The following GZF1 variants were observed in gnomAD, a reference collection of about 807,000 sequenced individuals.
GZF1 encodes GDNF-inducible zinc finger protein 1.
In GZF1, 28 loss-of-function variants were observed where a neutral mutation model predicts 49.4. The ratio of observed to expected loss-of-function variants is 0.57; its 90% CI spans 0.42 to 0.78. The LOEUF is 0.78. Among genes scored for constraint, GZF1 ranks in the 30% least tolerant of loss-of-function variants. The probability of loss-of-function intolerance (pLI) is 0.00; values close to 1 mark genes in which losing one functional copy is unlikely to be tolerated. For missense variants in GZF1, 798 were observed against 916.2 expected (o/e 0.87, Z 1.67); for synonymous variants, 364 against 356.0 (o/e 1.02, Z -0.25).
Position 23,365,724 on chromosome 20 carries a change from G to A in GZF1, c.1341G>A (p.Pro447=). 1 of 1,548,554 alleles carries A rather than the reference G, an allele frequency of 6.5e-7. No homozygotes were observed. Among genetic ancestry groups the A allele is most frequent in the Non-Finnish European group, 8.7e-7 (1 of 1,152,514 alleles). Residue 447 remains proline (P), a synonymous_variant, in exon 2 of 6, where the codon CCG becomes CCA. Coordinates refer to ENST00000338121, the MANE Select transcript of GZF1 (RefSeq NM_022482.5). ...CTECGARFSQ[P]SALKTHMRIH... ...AGTGCGGCGCCAGGTTCTCGCAGCC[G>A]TCCGCGCTCAAGACGCACATGAGGT...
chr20:23,361,550 A>T (rs1476153936), upstream of GZF1, among the ~76,000 whole-genome samples: 2 of 152,022 alleles, frequency 1.3e-5, no homozygotes, highest in East Asian at 3.9e-4. Context: ...CGAGCCCCCC[A>T]GCAGGGCGGG....
Position 23,370,425 on chromosome 20 carries a change from T to G in GZF1, c.2120T>G (p.Leu707Trp), listed in dbSNP as rs1981969837. Reference protein sequence around the residue: ...TDSMPTQLHSLSNME With the variant: ...TDSMPTQLHSWSNME ...TCGATGCCCACACAGCTTCACTCTT[T>G]GAGCAACATGGAATAAGAGCTTCAA... Residue 707 changes from leucine to tryptophan, a missense_variant, in exon 6 of 6, where the codon TTG becomes TGG. Physicochemically the swap from Leu to Trp is moderately conservative, Grantham distance 61. Coordinates refer to ENST00000338121, the MANE Select transcript of GZF1 (RefSeq NM_022482.5). The G allele has an allele frequency of 1.2e-6, 2 of 1,609,666 alleles. No homozygotes were observed. Among genetic ancestry groups the G allele is most frequent in the Non-Finnish European group, 1.7e-6 (2 of 1,176,090 alleles).
At position 23,365,232 on chromosome 20, in the gene GZF1, G is replaced by T. The variant is rs1981172158; in HGVS notation, c.849G>T (p.Gln283His). Residue 283 changes from glutamine (Q) to histidine (H), a missense_variant, in exon 2 of 6, where the codon CAG (glutamine) becomes CAT (histidine). By Grantham distance (24) the Gln-to-His change is conservative. Coordinates refer to ENST00000338121, the MANE Select transcript of GZF1 (RefSeq NM_022482.5). ...MEQVSKNEGC[Q>H]AGAELEELSK... ...AGGTTTCCAAAAATGAGGGTTGCCA[G>T]GCAGGTGCTGAGTTGGAGGAATTGT... The T allele has an allele frequency of 1.2e-6, 2 of 1,603,614 alleles. No homozygotes were observed. Among genetic ancestry groups the T allele is most frequent in the East Asian group, 4.5e-5 (2 of 44,740 alleles).
Position 23,365,092 on chromosome 20 carries a change from A to G in GZF1, c.709A>G (p.Lys237Glu). Residue 237 changes from lysine (K) to glutamate (E), a missense_variant, in exon 2 of 6, where the codon AAA (lysine) becomes GAA (glutamate). Physicochemically the swap from Lys to Glu is moderately conservative, Grantham distance 56 (BLOSUM62 1). Around this residue, in one of 3 missense-constraint regions of GZF1, gnomAD observed 247 missense variants for 228.5 expected, o/e 1.08. Transcript: ENST00000338121. ...GAGGAAGGTCTTTGTGGAGATCCCTAAAAAGAAATATACGAGAAGACTCCG... is the reference window on the plus strand; with the variant it reads ...GAGGAAGGTCTTTGTGGAGATCCCTGAAAAGAAATATACGAGAAGACTCCG... ...AGRKVFVEIP[K>E]KKYTRRLREQ... The G allele has an allele frequency of 1.9e-6, 3 of 1,614,024 alleles. No homozygotes were observed. Among genetic ancestry groups the G allele is most frequent in the Admixed American group, 1.7e-5 (1 of 60,026 alleles).
intron 3 of GZF1, 34 bp downstream of exon 3, chr20:23,367,131 T>C (rs1385291104): frequency 2.1e-6 from 3 of 1,407,170 alleles, no homozygotes; most frequent in Admixed American, 3.4e-5. Context: ...TGAATGTCTT[T>C]CCTAGATCTA....
chr20:23,365,316 G>A lies in GZF1; in HGVS notation c.933G>A (p.Glu311=), dbSNP rs1568585015. 1.2e-6 allele frequency: 2 copies of A among 1,606,744 alleles called. No homozygotes were observed. The highest frequency in any genetic ancestry group is 1.7e-5 in the Admixed American group (1 of 59,444). The part of the protein sequence containing the change: ...EEEEEEDEEG[E]KKKSNFKCSI... ...AGGAGGAGGAGGACGAAGAAGGGGA[G>A]AAGAAGAAGAGCAACTTTAAGTGCA... The change falls in exon 2 of 6, where the codon GAG becomes GAA. Residue 311 remains glutamate, a synonymous_variant. Transcript: ENST00000338121.
upstream of GZF1, among the ~76,000 whole-genome samples, chr20:23,361,345 T>C (rs1336247406): frequency 6.6e-6 from 1 of 152,200 alleles, no homozygotes; most frequent in Admixed American, 6.5e-5. Context: ...TTAGTTAGTA[T>C]TGAGCAAGAA....
Position 23,364,906 on chromosome 20 carries a change from A to C in GZF1, c.523A>C (p.Ser175Arg). The change falls in exon 2 of 6, where the codon AGT (serine) becomes CGT (arginine). Residue 175 changes from serine (S) to arginine (R), a missense_variant. Coordinates refer to ENST00000338121, the MANE Select transcript of GZF1 (RefSeq NM_022482.5). The stretch of plus-strand genomic sequence containing the variant: ...TGTGGCCACCGATGGCCCTCACCCC[A>C]GTGGTCTCACGGATTCCTTGGACTA... ...ASVATDGPHP[S>R]GLTDSLDYPG... 4 of 1,614,234 alleles carry C rather than the reference A, an allele frequency of 2.5e-6. No homozygotes were observed. Among genetic ancestry groups the C allele is most frequent in the Non-Finnish European group, 3.4e-6 (4 of 1,180,040 alleles).
Position 23,368,878 on chromosome 20 carries a change from A to C in GZF1, c.1576A>C (p.Arg526=). The C allele has an allele frequency of 6.2e-7, 1 of 1,614,060 alleles. No individual in the cohort carries two copies. Among genetic ancestry groups the C allele is most frequent in the Non-Finnish European group, 8.5e-7 (1 of 1,179,940 alleles). Residue 526 remains arginine (R), a synonymous_variant, in exon 4 of 6, where the codon AGG becomes CGG. Transcript: ENST00000338121. ...ACCCTTTAAATGTGAAGTATGTTTC[A>C]GGACTTTTGCCCAGCGGAATTCACT... ...SKPFKCEVCF[R]TFAQRNSLYQ...
At chr20:23,363,505 G>T (rs1980937217) in intron 1 of GZF1, among the ~76,000 whole-genome samples, 2 of 152,222 alleles carry the variant, frequency 1.3e-5, no homozygotes, top group Non-Finnish European at 2.9e-5. Flanking sequence ...CTGAGGGGAA[G>T]AGTGTGTTGA....
At chr20:23,365,769 G>C in intron 2 of GZF1, 22 bp downstream of exon 2, 1 of 1,499,070 alleles carries the variant, frequency 6.7e-7, no homozygotes, top group South Asian at 1.3e-5. Flanking sequence ...GCCGTCCGGA[G>C]GGGTCCCTGC....
rs1377055516 is a variant in GZF1, at chr20:23,369,565, T to C, written c.1628-19T>C. 1 of 1,592,560 alleles carries C rather than the reference T, an allele frequency of 6.3e-7. No homozygotes were observed. On this transcript the variant is annotated intron_variant, in intron 4 of 5. Coordinates refer to ENST00000338121, the MANE Select transcript of GZF1 (RefSeq NM_022482.5). Reference sequence around the variant, plus strand: ...AGGCCAAAGGGACCCACCAGCAGTCTCCTCTCTCCCTGCCTCAGGGGAGCG... The same window carrying C: ...AGGCCAAAGGGACCCACCAGCAGTCCCCTCTCTCCCTGCCTCAGGGGAGCG...
At position 23,365,174 on chromosome 20, in the gene GZF1, A is replaced by G. The variant is rs764079745; in HGVS notation, c.791A>G (p.Gln264Arg). ...DVGDYRCPQD[Q>R]SPDRVGTEME... ...GGGGACTACAGGTGTCCCCAGGACC[A>G]AAGCCCGGACAGGGTGGGCACGGAG... Residue 264 changes from glutamine to arginine, a missense_variant, in exon 2 of 6, where the codon CAA becomes CGA. Coordinates refer to ENST00000338121, the MANE Select transcript of GZF1 (RefSeq NM_022482.5). 1 of 1,612,212 alleles carries G rather than the reference A, an allele frequency of 6.2e-7. No homozygotes were observed. The highest frequency in any genetic ancestry group is 8.5e-7 in the Non-Finnish European group (1 of 1,179,180).
intron 4 of GZF1, 86 bp from the exon 5 acceptor site, chr20:23,369,498 C>T (rs1292201154): frequency 4.8e-6 from 6 of 1,255,302 alleles, no homozygotes; most frequent in Non-Finnish European, 5.5e-6. Flanking sequence ...TGGTTTGCAA[C>T]AGCATCATTC....
At position 23,365,548 on chromosome 20, in the gene GZF1, A is replaced by G. The variant is rs979771220; in HGVS notation, c.1165A>G (p.Lys389Glu). The change falls in exon 2 of 6, where the codon AAG becomes GAG. Residue 389 changes from lysine to glutamate, a missense_variant. By Grantham distance (56) the Lys-to-Glu change is moderately conservative (BLOSUM62 1). Transcript: ENST00000338121. ...CELCGKKFKRKKDVKRHVLQV... is the reference protein window; with the variant it reads ...CELCGKKFKREKDVKRHVLQV... ...GCTGTGCGGGAAGAAGTTCAAGCGC[A>G]AGAAGGACGTGAAGCGGCACGTGCT... 8 of 1,612,998 alleles carry G rather than the reference A, an allele frequency of 5.0e-6. No individual in the cohort carries two copies. In the African/African-American group the frequency reaches 9.3e-5, roughly 19 times the overall value.
At chr20:23,369,026 T>C in intron 4 of GZF1, 97 bp downstream of exon 4, 1 of 1,119,356 alleles carries the variant, frequency 8.9e-7, no homozygotes, top group Non-Finnish European at 1.3e-6. Context: ...GAACTAAGCT[T>C]TTGAAGAAAA....
In GZF1 at chr20:23,365,661, G is replaced by A. The variant is rs1981258334; in HGVS notation, c.1278G>A (p.Glu426=). 6.2e-7 allele frequency: 1 copy of A among 1,600,216 alleles called. No homozygotes were observed. ...CCAAGACAGCGCTGCGGCTGCACGA[G>A]CGCACACACACGGGAGACCGGCCCT... ...LSSKTALRLH[E]RTHTGDRPYG... The change falls in exon 2 of 6, where the codon GAG becomes GAA. Residue 426 remains glutamate (E), a synonymous_variant. Transcript: ENST00000338121.
Position 23,368,849 on chromosome 20 carries a change from C to T in GZF1, c.1547C>T (p.Ser516Phe). ...CACCACAATAGAATCCATACTGGATCCAAACCCTTTAAATGTGAAGTATGT... is the reference window on the plus strand; with the variant it reads ...CACCACAATAGAATCCATACTGGATTCAAACCCTTTAAATGTGAAGTATGT... ...LKHHNRIHTG[S>F]KPFKCEVCFR... Residue 516 changes from serine to phenylalanine, a missense_variant, in exon 4 of 6, where the codon TCC becomes TTC. By Grantham distance (155) the Ser-to-Phe change is radical. Around this residue, in one of 3 missense-constraint regions of GZF1, gnomAD observed 446 missense variants for 540.1 expected, o/e 0.83. Coordinates refer to ENST00000338121, the MANE Select transcript of GZF1 (RefSeq NM_022482.5). 1 of 1,613,790 alleles carries T rather than the reference C, an allele frequency of 6.2e-7. No homozygotes were observed. Among genetic ancestry groups the T allele is most frequent in the South Asian group, 1.1e-5 (1 of 91,072 alleles).
At position 23,372,474 on chromosome 20, in the gene GZF1, T is replaced by G. The variant is rs1279483821; in HGVS notation, c.*2033T>G. On this transcript the variant is annotated 3_prime_UTR_variant, in exon 6 of 6. Transcript: ENST00000338121. Reference sequence around the variant, plus strand: ...ATCCTGGAGAGGAGAAATCCTGGCCTCTGCTCATGCGCAGGCCACAACCGG... The same window carrying G: ...ATCCTGGAGAGGAGAAATCCTGGCCGCTGCTCATGCGCAGGCCACAACCGG... 1 of 152,246 alleles carries G rather than the reference T, an allele frequency of 6.6e-6. No individual in the cohort carries two copies. Among genetic ancestry groups the G allele is most frequent in the Non-Finnish European group, 1.5e-5 (1 of 68,036 alleles). 9.4% of individuals were successfully genotyped at this position (152,246 alleles called of 1,614,324 possible). A position where few individuals can be genotyped will look rare whatever the true frequency, so the allele number is the denominator to read the frequency against.
Sources: gnomAD v4.1 joint callset for allele counts (sites outside exome capture counted in the v4.1 genomes callset) on GRCh38, gnomAD v4.1.1 for gene constraint, gnomAD v4.1.1 regional missense constraint, MANE v1.5 for transcripts, NCBI Gene and HGNC (gene_info 2026-07-23, HGNC 2026-07-21) for gene names.